Variants in JPH3 observed in about 807,000 individuals in gnomAD.
JPH3 encodes the protein junctophilin-3.
In JPH3, 11 loss-of-function variants were observed where a neutral mutation model predicts 59.6. That is an observed-to-expected ratio of 0.18 (90% CI 0.12 to 0.31). The LOEUF is 0.31. Among genes scored for constraint, JPH3 ranks in the 10% least tolerant of loss-of-function variants. The probability of loss-of-function intolerance (pLI) is 1.00; values close to 1 mark genes in which losing one functional copy is unlikely to be tolerated. For synonymous variants in JPH3, 673 were observed against 483.6 expected, an observed-to-expected ratio of 1.39 and a Z score of -5.14; for missense variants, 1,202 against 1,105.7, an observed-to-expected ratio of 1.09 and a Z score of -1.24.
At chr16:87,626,140 G>A (rs998580663) in intron 1 of JPH3, among the ~76,000 whole-genome samples, 4 of 152,164 alleles carry the variant, frequency 2.6e-5, no homozygotes, top group South Asian at 2.1e-4. Flanking sequence ...GAGCAACAGC[G>A]GCCGGGGTCT....
intron 1 of JPH3, among the ~76,000 whole-genome samples, chr16:87,605,133 A>G (rs1260312846): frequency 6.6e-6 from 1 of 152,170 alleles, no homozygotes; most frequent in African/African-American, 2.4e-5. Context: ...GGCTCTGCAG[A>G]CCTGTCCTCC....
chr16:87,648,966 C>T (rs1220763954), intron 2 of JPH3, among the ~76,000 whole-genome samples: 2 of 152,194 alleles, frequency 1.3e-5, no homozygotes, highest in African/African-American at 2.4e-5. Context: ...TGGGTGCTGC[C>T]GCCGGGAGGC....
At chr16:87,664,746 G>T (rs77718991) in intron 2 of JPH3, among the ~76,000 whole-genome samples, 2 of 152,154 alleles carry the variant, frequency 1.3e-5, no homozygotes, top group Non-Finnish European at 2.9e-5. Flanking sequence ...TCCTTGCTGC[G>T]GTGTGGGGGT....
At chr16:87,621,204 A>C (rs1468030446) in intron 1 of JPH3, among the ~76,000 whole-genome samples, 6 of 152,214 alleles carry the variant, frequency 3.9e-5, no homozygotes, top group African/African-American at 1.4e-4. Context: ...CGCAGGGGTC[A>C]GCAGCTAACT....
At chr16:87,659,828 C>A (rs565249325) in intron 2 of JPH3, among the ~76,000 whole-genome samples, 2 of 152,302 alleles carry the variant, frequency 1.3e-5, no homozygotes, top group South Asian at 2.1e-4. Flanking sequence ...CTCCAGAACT[C>A]CTTTCACCTT....
At chr16:87,658,727 CAAG>C (rs1010842196) in intron 2 of JPH3, among the ~76,000 whole-genome samples, 2 of 152,202 alleles carry the variant, frequency 1.3e-5, no homozygotes, top group African/African-American at 4.8e-5. Flanking sequence ...AGTGGGTGGT[CAAG>C]AAGAGCTGCC....
intron 1 of JPH3, among the ~76,000 whole-genome samples, chr16:87,619,344 C>T (rs1309927431): frequency 1.3e-5 from 2 of 151,032 alleles, no homozygotes; most frequent in Admixed American, 6.6e-5. Flanking sequence ...GATTATTTGT[C>T]TTCTTACTGT....
At chr16:87,696,054 G>A (rs983406454) in intron 4 of JPH3, 1 of 456,230 alleles carries the variant, frequency 2.2e-6, no homozygotes, top group Non-Finnish European at 4.4e-6. Flanking sequence ...GTTGAGGAAG[G>A]TGTGGTGAGG....
chr16:87,604,347 A>G (rs1179719749), intron 1 of JPH3: 1 of 1,448,062 alleles, frequency 6.9e-7, no homozygotes, highest in East Asian at 3.4e-5. Context: ...GTTTCTGTGC[A>G]GGGAACCTTG....
chr16:87,664,574 G>A (rs1260040334), intron 2 of JPH3, among the ~76,000 whole-genome samples: 14 of 152,134 alleles, frequency 9.2e-5, no homozygotes, highest in Non-Finnish European at 1.8e-4. Context: ...GCAGTGAGCC[G>A]AGATCGCGCC....
Position 87,644,799 on chromosome 16 carries a change from G to A in JPH3, c.924G>A (p.Gly308=). The A allele has an allele frequency of 3.7e-6, 6 of 1,613,204 alleles. No individual in the cohort carries two copies. Among genetic ancestry groups the A allele is most frequent in the Non-Finnish European group, 5.1e-6 (6 of 1,179,786 alleles). The change falls in exon 2 of 5, where the codon GGG becomes GGA. Residue 308 remains glycine, a synonymous_variant. Transcript: ENST00000284262. ...TCGGCGTGAGCCAGCGCTCGGACGG[G>A]CTCAAGTACGAGGGCGAGTGGGCCA... ...SGFGVSQRSD[G]LKYEGEWASN...
intron 2 of JPH3, among the ~76,000 whole-genome samples, chr16:87,677,242 C>T (rs2033174906): frequency 6.4e-5 from 6 of 93,914 alleles, no homozygotes; most frequent in Admixed American, 3.1e-4. Context: ...AAAAATTAGC[C>T]GGGTGTGGTG....
At chr16:87,639,006 G>A (rs1238193795) in intron 1 of JPH3, among the ~76,000 whole-genome samples, 4 of 152,318 alleles carry the variant, frequency 2.6e-5, no homozygotes, top group Middle Eastern at 3.4e-3. Flanking sequence ...TCTGCCTCAG[G>A]TGACAGCCCT....
chr16:87,648,534 G>C (rs1255440369), intron 2 of JPH3, among the ~76,000 whole-genome samples: 1 of 152,208 alleles, frequency 6.6e-6, no homozygotes, highest in Non-Finnish European at 1.5e-5. Context: ...TCCGCGGAGT[G>C]CCGGGCCCTT....
At position 87,690,202 on chromosome 16, in the gene JPH3, G is replaced by A; in HGVS notation, c.1842G>A (p.Glu614=). 1.2e-6 allele frequency: 2 copies of A among 1,603,110 alleles called. No individual in the cohort carries two copies. Among genetic ancestry groups the A allele is most frequent in the Non-Finnish European group, 1.7e-6 (2 of 1,175,356 alleles). ...QEEKLSNYRM[E]MKPLLRMETH... ...AGAAGCTGAGCAACTACCGGATGGAGATGAAACCCTTGCTGAGGATGGAGA... is the reference window on the plus strand; with the variant it reads ...AGAAGCTGAGCAACTACCGGATGGAAATGAAACCCTTGCTGAGGATGGAGA... The change falls in exon 4 of 5, where the codon GAG becomes GAA. Residue 614 remains glutamate (E), a synonymous_variant. Transcript: ENST00000284262.
chr16:87,657,892 G>A (rs1379882358), intron 2 of JPH3, among the ~76,000 whole-genome samples: 1 of 152,216 alleles, frequency 6.6e-6, no homozygotes, highest in Non-Finnish European at 1.5e-5. Context: ...CTGACAATGG[G>A]GCTTCAGTGC....
At chr16:87,667,126 T>C (rs1363228150) in intron 2 of JPH3, among the ~76,000 whole-genome samples, 1 of 152,078 alleles carries the variant, frequency 6.6e-6, no homozygotes, top group Non-Finnish European at 1.5e-5. Flanking sequence ...CTCCCTGGAG[T>C]GGCCACGTCA....
intron 2 of JPH3, among the ~76,000 whole-genome samples, chr16:87,647,548 C>A (rs954818880): frequency 6.6e-6 from 1 of 152,204 alleles, no homozygotes; most frequent in African/African-American, 2.4e-5. Flanking sequence ...TGGCGGAGTC[C>A]GAGCTGACTC....
chr16:87,677,183 TATACACACACACACACAC>T (rs1284154148), intron 2 of JPH3, among the ~76,000 whole-genome samples: 8 of 75,900 alleles, frequency 1.1e-4, no homozygotes, highest in Non-Finnish European at 1.8e-4. Flanking sequence ...ACTATATATA[TATACACACACACACACAC>T]ACACACACAC....
Sources: allele counts gnomAD v4.1 joint callset (sites outside exome capture counted in the v4.1 genomes callset), GRCh38; gene constraint gnomAD v4.1.1; transcripts MANE v1.5; gene names NCBI Gene and HGNC (gene_info 2026-07-23, HGNC 2026-07-21).